CNBD2: variants seen among roughly 807,000 people sequenced by gnomAD.
The protein encoded by CNBD2 is cyclic nucleotide binding domain containing 2, also known as cyclic nucleotide-binding domain-containing protein 2.
CNBD2 carries 64 observed loss-of-function variants against 63.7 expected under a neutral mutation model. The observed-to-expected ratio is 1.00, with a 90% CI of 0.82 to 1.24. CNBD2 has a LOEUF of 1.24. CNBD2 is among the 50% of genes most tolerant of loss of function. CNBD2 has a pLI of 0.00. For missense variants in CNBD2, 691 were observed against 713.5 expected (o/e 0.97, Z 0.36); for synonymous variants, 229 against 255.4 (o/e 0.90, Z 0.99).
chr20:35,980,092 C>T (rs1568865823), intron 3 of CNBD2, among the ~76,000 whole-genome samples: 1 of 152,230 alleles, frequency 6.6e-6, no homozygotes, highest in Non-Finnish European at 1.5e-5. Flanking sequence ...TCTCCCCTGA[C>T]TGCTATGTGT....
upstream of CNBD2, among the ~76,000 whole-genome samples, chr20:35,963,989 A>G (rs1251074895): frequency 6.6e-6 from 1 of 152,182 alleles, no homozygotes; most frequent in Non-Finnish European, 1.5e-5. Flanking sequence ...ATTTTGAGCA[A>G]TATTTAAACC....
chr20:35,972,650 G>A lies in CNBD2; in HGVS notation c.73G>A (p.Asp25Asn). 1 of 1,614,078 alleles carries A rather than the reference G, an allele frequency of 6.2e-7. No individual in the cohort carries two copies. The highest frequency in any genetic ancestry group is 1.1e-5 in the South Asian group (1 of 91,068). The change falls in exon 2 of 12, where the codon GAT becomes AAT. Residue 25 changes from aspartate (D) to asparagine (N), a missense_variant. Transcript: ENST00000373973. ...KELGLYQLAM[D>N]IIIMIRVCKM... Reference sequence around the variant, plus strand: ...ATAGGGACTGTACCAGCTCGCCATGGATATCATCATAATGATCCGAGTGTG... The same window carrying A: ...ATAGGGACTGTACCAGCTCGCCATGAATATCATCATAATGATCCGAGTGTG...
intron 4 of CNBD2, among the ~76,000 whole-genome samples, chr20:35,981,801 A>G (rs117275299): frequency 5.9e-5 from 9 of 152,124 alleles, no homozygotes; most frequent in Non-Finnish European, 2.9e-5. Context: ...CATGAAGCCC[A>G]CAGCCACAAT....
chr20:35,959,816 C>T (rs1021952207), downstream of CNBD2, among the ~76,000 whole-genome samples: 6 of 152,228 alleles, frequency 3.9e-5, no homozygotes, highest in South Asian at 2.1e-4. Flanking sequence ...TTCAAACCCA[C>T]GTTTAACATA....
chr20:35,994,727 A>G (rs2056799245), intron 7 of CNBD2, among the ~76,000 whole-genome samples: 2 of 151,906 alleles, frequency 1.3e-5, no homozygotes, highest in South Asian at 4.2e-4. Context: ...CGTCTCTACT[A>G]AAAATACAAA....
downstream of CNBD2, among the ~76,000 whole-genome samples, chr20:35,957,322 C>T (rs893770680): frequency 4.6e-5 from 7 of 152,200 alleles, no homozygotes; most frequent in Admixed American, 3.3e-4. Flanking sequence ...CGCGGTGGCT[C>T]ATGCCTGTAA....
chr20:36,011,081 G>T, intron 9 of CNBD2, 56 bp from the exon 10 acceptor site: 1 of 1,397,476 alleles, frequency 7.2e-7, no homozygotes, highest in Non-Finnish European at 9.4e-7. Flanking sequence ...ATTAGCCAGG[G>T]CCTCAGGAGC....
At chr20:36,013,665 A>G (rs1261530477) in intron 10 of CNBD2, among the ~76,000 whole-genome samples, 1 of 152,166 alleles carries the variant, frequency 6.6e-6, no homozygotes, top group Non-Finnish European at 1.5e-5. Flanking sequence ...GGGATTAACA[A>G]TACTTCTACT....
chr20:35,959,000 C>T (rs1180123637), downstream of CNBD2: 1 of 152,116 alleles, frequency 6.6e-6, no homozygotes, highest in East Asian at 1.9e-4. Context: ...TATAGATGTA[C>T]CATGGTATAT....
At chr20:35,993,544 G>A (rs1390714250) in intron 7 of CNBD2, among the ~76,000 whole-genome samples, 1 of 152,260 alleles carries the variant, frequency 6.6e-6, no homozygotes, top group Non-Finnish European at 1.5e-5. Flanking sequence ...AGAGGTATTT[G>A]ATATATTATT....
At position 36,017,019 on chromosome 20, in the gene CNBD2, A is replaced by G. The variant is rs2057142915; in HGVS notation, c.1269+5762A>G. On this transcript the variant is annotated intron_variant, in intron 10 of 11. Transcript: ENST00000373973. Reference sequence around the variant, plus strand: ...GGCTGCAGTGAGCCATGATTGTGTTACTGTACTTCAATCTGAACAATAGAA... The same window carrying G: ...GGCTGCAGTGAGCCATGATTGTGTTGCTGTACTTCAATCTGAACAATAGAA... Among the ~76,000 whole-genome samples, 3 of 149,492 alleles carry G rather than the reference A, an allele frequency of 2.0e-5. No individual in the cohort carries two copies. In the Admixed American group the frequency reaches 2.0e-4, roughly 10 times the overall value.
upstream of CNBD2, among the ~76,000 whole-genome samples, chr20:35,968,160 A>G (rs912516071): frequency 1.3e-4 from 20 of 152,180 alleles, no homozygotes; most frequent in Non-Finnish European, 2.5e-4. Context: ...TCACATGCAA[A>G]TTAAGGGGCA....
At chr20:36,013,807 T>C (rs953564232) in intron 10 of CNBD2, among the ~76,000 whole-genome samples, 1 of 152,196 alleles carries the variant, frequency 6.6e-6, no homozygotes, top group Non-Finnish European at 1.5e-5. Flanking sequence ...ATACTCCATG[T>C]AGTAATGGAT....
chr20:36,027,351 G>A (rs984778391), intron 11 of CNBD2, among the ~76,000 whole-genome samples: 2 of 152,282 alleles, frequency 1.3e-5, no homozygotes, highest in East Asian at 1.9e-4. Flanking sequence ...AGGCTCTGAC[G>A]TGAGATCTTC....
chr20:35,958,109 G>C (rs1394971059), downstream of CNBD2, among the ~76,000 whole-genome samples: 1 of 152,140 alleles, frequency 6.6e-6, no homozygotes, highest in African/African-American at 2.4e-5. Context: ...TTTTATCAGA[G>C]CCATCACACT....
chr20:35,963,438 C>T (rs563402344), intron 2 of CNBD2, among the ~76,000 whole-genome samples: 9 of 151,564 alleles, frequency 5.9e-5, no homozygotes, highest in Admixed American at 2.0e-4. Context: ...GTCAGGAGTT[C>T]GAGACCAGCC....
At chr20:35,984,991 A>T (rs188193820) in intron 6 of CNBD2, among the ~76,000 whole-genome samples, 187 of 152,164 alleles carry the variant, frequency 1.2e-3, no homozygotes, top group African/African-American at 4.5e-3. Flanking sequence ...TGAAAGTAAT[A>T]GTAAGAATAG....
At chr20:36,001,877 A>T (rs2056914439) in intron 8 of CNBD2, among the ~76,000 whole-genome samples, 2 of 120,748 alleles carry the variant, frequency 1.7e-5, no homozygotes, top group South Asian at 5.9e-4. Context: ...CCTAGATGGG[A>T]TGGCGGCCGG....
intron 10 of CNBD2, among the ~76,000 whole-genome samples, chr20:36,018,767 G>A (rs772004597): frequency 6.6e-6 from 1 of 152,216 alleles, no homozygotes. Context: ...GACTGGGCAG[G>A]CCAGAGCCAT....
Sources: allele counts gnomAD v4.1 joint callset (sites outside exome capture counted in the v4.1 genomes callset), GRCh38; gene constraint gnomAD v4.1.1; transcripts MANE v1.5; gene names NCBI Gene and HGNC (gene_info 2026-07-23, HGNC 2026-07-21).